The following ADD3 variants were observed in gnomAD, a reference collection of about 807,000 sequenced individuals.
ADD3 encodes adducin 3.
Under a neutral mutation model 80.2 loss-of-function variants are expected in ADD3, and 25 were observed. That is an observed-to-expected ratio of 0.31 (90% CI 0.23 to 0.44). The LOEUF (loss-of-function observed/expected upper bound fraction) is 0.44. ADD3 is among the 20% of genes least tolerant of loss of function. The pLI, the probability that ADD3 is intolerant of heterozygous loss-of-function variation, is 1.00. For missense variants in ADD3, 829 were observed against 847.5 expected (o/e 0.98, Z 0.27); for synonymous variants, 284 against 289.6 (o/e 0.98, Z 0.20).
At chr10:110,100,880 C>G (rs2133952575) in intron 2 of ADD3, 32 bp downstream of exon 2, 1 of 1,528,474 alleles carries the variant, frequency 6.5e-7, no homozygotes, top group African/African-American at 1.4e-5. Flanking sequence ...TAATTTTTCT[C>G]CCTCTTTGGA....
At chr10:110,022,150 C>G (rs1853753182) in intron 1 of ADD3, among the ~76,000 whole-genome samples, 1 of 151,690 alleles carries the variant, frequency 6.6e-6, no homozygotes, top group Admixed American at 6.6e-5. Context: ...TTTTTTTTAA[C>G]ACTTGATTTT....
intron 1 of ADD3, among the ~76,000 whole-genome samples, chr10:110,020,879 TC>T (rs1853594293): frequency 6.6e-6 from 1 of 152,142 alleles, no homozygotes; most frequent in African/African-American, 2.4e-5. Context: ...TAGGCAAAAG[TC>T]TAAGAAGGAG....
chr10:110,103,438 A>G (rs1590134215), intron 2 of ADD3, among the ~76,000 whole-genome samples: 1 of 152,192 alleles, frequency 6.6e-6, no homozygotes, highest in Admixed American at 6.5e-5. Context: ...CACTCTTAAG[A>G]TGGATCACTC....
intron 1 of ADD3, among the ~76,000 whole-genome samples, chr10:110,009,016 A>G (rs921116514): frequency 3.9e-5 from 6 of 152,208 alleles, no homozygotes; most frequent in Non-Finnish European, 8.8e-5. Flanking sequence ...GACCACAGAC[A>G]GGTAGCATAA....
chr10:110,091,788 C>CT (rs1221071254), intron 1 of ADD3, among the ~76,000 whole-genome samples: 1 of 152,128 alleles, frequency 6.6e-6, no homozygotes, highest in Non-Finnish European at 1.5e-5. Context: ...GCAAAAGAAA[C>CT]TATCAACGTA....
chr10:110,099,255 C>A, intron 1 of ADD3, among the ~76,000 whole-genome samples: 1 of 150,986 alleles, frequency 6.6e-6, no homozygotes, highest in African/African-American at 2.4e-5. Flanking sequence ...AAAAAAAATA[C>A]AAAAATGTGA....
chr10:110,068,311 T>C (rs568383842), intron 1 of ADD3, among the ~76,000 whole-genome samples: 1 of 152,340 alleles, frequency 6.6e-6, no homozygotes, highest in South Asian at 2.1e-4. Context: ...TCTCTGAATC[T>C]TCTGAGGAAG....
At chr10:110,060,823 C>T (rs761947417) in intron 1 of ADD3, among the ~76,000 whole-genome samples, 12 of 152,074 alleles carry the variant, frequency 7.9e-5, no homozygotes, top group Non-Finnish European at 1.5e-4. Flanking sequence ...TGACAATTAC[C>T]GTGTTCTATA....
At chr10:109,997,182 T>A (rs1851397277) in intron 1 of ADD3, among the ~76,000 whole-genome samples, 1 of 152,172 alleles carries the variant, frequency 6.6e-6, no homozygotes, top group African/African-American at 2.4e-5. Context: ...CTAATCTCAT[T>A]TTCTTCTAGG....
At chr10:110,007,585 G>A (rs1216654760), upstream of ADD3, among the ~76,000 whole-genome samples, 5 of 152,320 alleles carry the variant, frequency 3.3e-5, no homozygotes, top group East Asian at 9.7e-4. Flanking sequence ...GCCCTCCGGG[G>A]ACGCCGCGGA....
chr10:110,045,651 T>G (rs1192812577), intron 1 of ADD3, among the ~76,000 whole-genome samples: 1 of 152,198 alleles, frequency 6.6e-6, no homozygotes, highest in Non-Finnish European at 1.5e-5. Context: ...TATATGTAGA[T>G]TCTATCTACT....
Position 110,111,772 on chromosome 10 carries a change from G to C in ADD3, c.196-1005G>C, listed in dbSNP as rs370918430. On this transcript the variant is annotated intron_variant, in intron 2 of 14. Coordinates refer to ENST00000356080, the MANE Select transcript of ADD3 (RefSeq NM_016824.5). Reference sequence around the variant, plus strand: ...CTCTACTAAAAATACAAAATTAGCCGGGTGGTGGCGCATGCCTGTAATCCC... The same window carrying C: ...CTCTACTAAAAATACAAAATTAGCCCGGTGGTGGCGCATGCCTGTAATCCC... Among the ~76,000 whole-genome samples the C allele has an allele frequency of 6.6e-5, 10 of 152,136 alleles. No homozygotes were observed. The East Asian group carries it at 2.0e-3, about 30-fold the overall frequency.
intron 1 of ADD3, among the ~76,000 whole-genome samples, chr10:110,044,370 T>C (rs527923551): frequency 1.3e-5 from 2 of 152,220 alleles, no homozygotes; most frequent in Non-Finnish European, 2.9e-5. Context: ...ACAGTGAGAA[T>C]CATATATTTT....
chr10:110,018,673 T>A (rs1269268947), intron 1 of ADD3, among the ~76,000 whole-genome samples: 1 of 152,160 alleles, frequency 6.6e-6, no homozygotes, highest in Non-Finnish European at 1.5e-5. Flanking sequence ...TTACTGTCCG[T>A]GAAAATGATT....
intron 1 of ADD3, among the ~76,000 whole-genome samples, chr10:110,091,723 A>G (rs1847537852): frequency 6.6e-6 from 1 of 152,184 alleles, no homozygotes; most frequent in South Asian, 2.1e-4. Context: ...TCCAAAAGCA[A>G]TTGCAAAAAA....
At position 110,022,702 on chromosome 10, in the gene ADD3, C is replaced by A. The variant is rs117814129; in HGVS notation, c.-30+14403C>A. Among the ~76,000 whole-genome samples, 10 of 152,228 alleles carry A rather than the reference C, an allele frequency of 6.6e-5. No individual in the cohort carries two copies. In the East Asian group the frequency reaches 1.9e-3, roughly 29 times the overall value. On this transcript the variant is annotated intron_variant, in intron 1 of 14. Transcript: ENST00000356080. ...TGTAAGTAACAGACTCCAACACAAA[C>A]CTGCGAGCTATACTATAGCAACAAT...
At position 110,129,821 on chromosome 10, in the gene ADD3, T is replaced by C. The variant is rs562962996; in HGVS notation, c.1609-542T>C. ...TCTTTTGTCCTTAAGGGTGTTTTGT[T>C]TTGTTTTTTTCTATTCCTTTACTAT... On this transcript the variant is annotated intron_variant, in intron 12 of 14. Coordinates refer to ENST00000356080, the MANE Select transcript of ADD3 (RefSeq NM_016824.5). 3.3e-5 allele frequency among the ~76,000 whole-genome samples: 5 copies of C among 152,360 alleles called. No homozygotes were observed. The South Asian group carries it at 1.0e-3, about 32-fold the overall frequency.
intron 1 of ADD3, among the ~76,000 whole-genome samples, chr10:110,021,603 G>A (rs1853683018): frequency 6.6e-6 from 1 of 152,112 alleles, no homozygotes; most frequent in Non-Finnish European, 1.5e-5. Context: ...AAAAAAGCCA[G>A]ATACACAAGG....
chr10:110,028,559 C>T (rs1477312667), intron 1 of ADD3, among the ~76,000 whole-genome samples: 6 of 152,048 alleles, frequency 3.9e-5, no homozygotes. Flanking sequence ...AGTGAGATTC[C>T]GTCTCAAAAC....
Sources: gnomAD v4.1 joint callset for allele counts (sites outside exome capture counted in the v4.1 genomes callset) on GRCh38, gnomAD v4.1.1 for gene constraint, MANE v1.5 for transcripts, NCBI Gene and HGNC (gene_info 2026-07-23, HGNC 2026-07-21) for gene names.